Variants in SEMA6D observed in about 807,000 individuals in gnomAD.
The protein encoded by SEMA6D is semaphorin-6D.
A neutral mutation model predicts 106.6 loss-of-function variants in SEMA6D; 35 were observed. The observed-to-expected ratio is 0.33, with a 90% CI of 0.25 to 0.44. SEMA6D has a LOEUF of 0.44. Among genes scored for constraint, SEMA6D ranks in the 20% least tolerant of loss-of-function variants. The probability of loss-of-function intolerance (pLI) is 1.00; values close to 1 mark genes in which losing one functional copy is unlikely to be tolerated. For synonymous variants in SEMA6D, 499 were observed against 487.7 expected (o/e 1.02, Z -0.31); for missense variants, 1,185 against 1,345.9 (o/e 0.88, Z 1.87).
At chr15:47,242,737 TC>T (rs1463477335) in intron 1 of SEMA6D, among the ~76,000 whole-genome samples, 1 of 152,176 alleles carries the variant, frequency 6.6e-6, no homozygotes, top group Non-Finnish European at 1.5e-5. Context: ...TAATATTATT[TC>T]CGATTATAAA....
intron 1 of SEMA6D, among the ~76,000 whole-genome samples, chr15:47,240,816 G>C (rs935091210): frequency 8.5e-4 from 130 of 152,206 alleles, no homozygotes; most frequent in Middle Eastern, 3.4e-3. Flanking sequence ...GATCATCCAA[G>C]GATCTAGAGA....
intron 1 of SEMA6D, among the ~76,000 whole-genome samples, chr15:47,410,765 A>G (rs1466708175): frequency 6.6e-6 from 1 of 152,102 alleles, no homozygotes. Flanking sequence ...AAACTCTCCA[A>G]AACCTCTTAT....
chr15:47,217,316 C>CACTGGGGTAAA (rs2030714560), intron 1 of SEMA6D, among the ~76,000 whole-genome samples: 1 of 152,136 alleles, frequency 6.6e-6, no homozygotes, highest in Non-Finnish European at 1.5e-5. Context: ...ACCCAACAAC[C>CACTGGGGTAAA]TCACAGCTCA....
chr15:47,351,780 G>A (rs1178083482), intron 1 of SEMA6D, among the ~76,000 whole-genome samples: 4 of 152,046 alleles, frequency 2.6e-5, no homozygotes, highest in Non-Finnish European at 5.9e-5. Flanking sequence ...CAAAAGTAAG[G>A]GTGTTTCAGA....
intron 1 of SEMA6D, chr15:47,393,385 A>C (rs535322461): frequency 6.6e-6 from 1 of 152,296 alleles, no homozygotes; most frequent in Admixed American, 6.5e-5. Flanking sequence ...CTTTTCTGTG[A>C]AAGTCTTTGT....
intron 1 of SEMA6D, among the ~76,000 whole-genome samples, chr15:47,394,351 C>T (rs1484380485): frequency 6.6e-6 from 1 of 152,202 alleles, no homozygotes; most frequent in East Asian, 1.9e-4. Flanking sequence ...CATTCAAACA[C>T]TTGAGCAGTT....
chr15:47,476,120 C>G (rs1358072383), intron 3 of SEMA6D, among the ~76,000 whole-genome samples: 1 of 152,140 alleles, frequency 6.6e-6, no homozygotes, highest in East Asian at 1.9e-4. Flanking sequence ...TCAGCACAGG[C>G]AGGTAGACAG....
intron 2 of SEMA6D, among the ~76,000 whole-genome samples, chr15:47,413,673 G>C (rs1367750515): frequency 6.6e-6 from 1 of 152,066 alleles, no homozygotes; most frequent in African/African-American, 2.4e-5. Flanking sequence ...TATAGAGATA[G>C]GGTATCACTG....
chr15:47,409,274 G>A (rs403871), intron 1 of SEMA6D, among the ~76,000 whole-genome samples: 92,777 of 152,076 alleles, frequency 0.61, 28,789 homozygotes, highest in Middle Eastern at 0.71. Context: ...GAGAGCCCCA[G>A]GGAACACATT....
rs191757482 is a variant in SEMA6D, at chr15:47,754,148, T to C, written c.-54-5597T>C. Reference sequence around the variant, plus strand: ...GGCTCATGGCTGTAATCCCAACACATTGGGAGGCCCAGGTGAGAGAATCAC... The same window carrying C: ...GGCTCATGGCTGTAATCCCAACACACTGGGAGGCCCAGGTGAGAGAATCAC... On this transcript the variant is annotated intron_variant, in intron 1 of 18. Coordinates refer to ENST00000536845, the MANE Select transcript of SEMA6D (RefSeq NM_001358351.3). 1.6e-3 allele frequency among the ~76,000 whole-genome samples: 251 copies of C among 152,276 alleles called. 1 individual carries two copies. The highest frequency in any genetic ancestry group is 6.2e-3 in the South Asian group (30 of 4,818).
At chr15:47,201,316 G>GT (rs1205469157) in intron 1 of SEMA6D, among the ~76,000 whole-genome samples, 1 of 152,130 alleles carries the variant, frequency 6.6e-6, no homozygotes, top group Non-Finnish European at 1.5e-5. Context: ...TAATGGGTCT[G>GT]TTGTACTGAG....
intron 3 of SEMA6D, among the ~76,000 whole-genome samples, chr15:47,510,510 A>G (rs1431843400): frequency 6.6e-6 from 1 of 152,226 alleles, no homozygotes; most frequent in African/African-American, 2.4e-5. Flanking sequence ...GGATCACCAA[A>G]TATGTGCCAG....
At chr15:47,669,175 A>G (rs1443614212) in intron 4 of SEMA6D, among the ~76,000 whole-genome samples, 1 of 152,084 alleles carries the variant, frequency 6.6e-6, no homozygotes, top group Non-Finnish European at 1.5e-5. Flanking sequence ...GGACATTTTT[A>G]TAGTACCACT....
chr15:47,289,761 G>A (rs1293484044), intron 1 of SEMA6D, among the ~76,000 whole-genome samples: 1 of 151,954 alleles, frequency 6.6e-6, no homozygotes, highest in African/African-American at 2.4e-5. Context: ...AAATCTTAGG[G>A]CATTATGAGC....
intron 1 of SEMA6D, among the ~76,000 whole-genome samples, chr15:47,353,145 C>T (rs2038395309): frequency 6.6e-6 from 1 of 151,970 alleles, no homozygotes; most frequent in South Asian, 2.1e-4. Flanking sequence ...TAAGGATTAA[C>T]CTTTATAGGC....
intron 1 of SEMA6D, among the ~76,000 whole-genome samples, chr15:47,343,321 A>G (rs1450461701): frequency 6.6e-6 from 1 of 151,120 alleles, no homozygotes; most frequent in Non-Finnish European, 1.5e-5. Context: ...TTTGTTACAT[A>G]TGTATATATG....
chr15:47,267,046 G>T (rs1298845637), intron 1 of SEMA6D, among the ~76,000 whole-genome samples: 1 of 152,140 alleles, frequency 6.6e-6, no homozygotes, highest in East Asian at 1.9e-4. Context: ...TTCTACCGGG[G>T]CTTTCTTTAT....
intron 1 of SEMA6D, among the ~76,000 whole-genome samples, chr15:47,729,330 C>A (rs1274438732): frequency 2.0e-5 from 3 of 149,448 alleles, no homozygotes; most frequent in South Asian, 2.3e-4. Context: ...TCATTTATTT[C>A]TTCTCAGGGT....
At chr15:47,541,274 A>G (rs544200403) in intron 3 of SEMA6D, among the ~76,000 whole-genome samples, 1 of 152,356 alleles carries the variant, frequency 6.6e-6, no homozygotes, top group Non-Finnish European at 1.5e-5. Flanking sequence ...TAGCTCCACT[A>G]CACTAAAAAA....
Sources: allele counts gnomAD v4.1 joint callset (sites outside exome capture counted in the v4.1 genomes callset), GRCh38; gene constraint gnomAD v4.1.1; transcripts MANE v1.5; gene names NCBI Gene and HGNC (gene_info 2026-07-23, HGNC 2026-07-21).